PROSER1: variants seen among roughly 807,000 people sequenced by gnomAD.
The protein encoded by PROSER1 is proline and serine-rich protein 1.
A neutral mutation model predicts 71.8 loss-of-function variants in PROSER1; 36 were observed. That is an observed-to-expected ratio of 0.50 (90% CI 0.38 to 0.66). The LOEUF is 0.66. Among genes scored for constraint, PROSER1 ranks in the 30% least tolerant of loss-of-function variants. PROSER1 has a pLI of 0.00. For missense variants in PROSER1, 1,107 were observed against 1,135.0 expected (o/e 0.98, Z 0.35); for synonymous variants, 490 against 452.4 (o/e 1.08, Z -1.06).
At chr13:39,034,694 A>C (rs1322363238) in intron 1 of PROSER1, among the ~76,000 whole-genome samples, 1 of 152,258 alleles carries the variant, frequency 6.6e-6, no homozygotes, top group African/African-American at 2.4e-5. Context: ...AGAATGCAAG[A>C]AGTCCTGAAT....
At position 39,017,439 on chromosome 13, in the gene PROSER1, G is replaced by C. The variant is rs141910767; in HGVS notation, c.775+61C>G. ...TCCAAATATACTCAAATTATTCTCA[G>C]TGAATAACAGAGCAAACCATGACAG... On this transcript the variant is annotated intron_variant, in intron 10 of 12. Transcript: ENST00000352251. 831 of 997,836 alleles carry C rather than the reference G, an allele frequency of 8.3e-4. 4 individuals carry two copies. In the African/African-American group the frequency reaches 0.012, roughly 15 times the overall value. The allele number at this position is 997,836 out of a possible 1,614,324, so 61.8% of individuals were successfully genotyped here. A position where few individuals can be genotyped will look rare whatever the true frequency, so the allele number is the denominator to read the frequency against.
In PROSER1 at chr13:39,022,313, A is replaced by T. The variant is rs1213166381; in HGVS notation, c.730+13T>A. 1.9e-6 allele frequency: 3 copies of T among 1,572,244 alleles called. No homozygotes were observed. The highest frequency in any genetic ancestry group is 2.6e-6 in the Non-Finnish European group (3 of 1,142,154). ...TGAATAAGTTACTTAAACACCCCCA[A>T]ATAACATTTTACCTGTTCCTACAGG... is the stretch of plus-strand genomic sequence containing the variant. On this transcript the variant is annotated intron_variant, in intron 9 of 12. Coordinates refer to ENST00000352251, the MANE Select transcript of PROSER1 (RefSeq NM_025138.5).
intron 11 of PROSER1, 79 bp downstream of exon 11, chr13:39,012,612 T>A: frequency 8.5e-7 from 1 of 1,176,416 alleles, no homozygotes; most frequent in South Asian, 1.6e-5. Flanking sequence ...TTGACATTCA[T>A]TTTGATGACT....
At position 39,021,925 on chromosome 13, in the gene PROSER1, T is replaced by C. The variant is rs188451252; in HGVS notation, c.730+401A>G. ...CATTCTAATTTCAGAGAAATTAAACTATAAAAAATGTGCAATTGAGAACCA... is the reference window on the plus strand; with the variant it reads ...CATTCTAATTTCAGAGAAATTAAACCATAAAAAATGTGCAATTGAGAACCA... On this transcript the variant is annotated intron_variant, in intron 9 of 12. Transcript: ENST00000352251. 2.0e-3 allele frequency among the ~76,000 whole-genome samples: 312 copies of C among 152,320 alleles called. 3 individuals carry two copies. The highest frequency in any genetic ancestry group is 7.4e-3 in the African/African-American group (306 of 41,572).
chr13:39,029,400 T>G, intron 3 of PROSER1, 25 bp from the exon 4 acceptor site: 1 of 1,309,616 alleles, frequency 7.6e-7, no homozygotes, highest in Non-Finnish European at 1.0e-6. Flanking sequence ...AATAATTTTA[T>G]TTTTAACGTG....
intron 2 of PROSER1, among the ~76,000 whole-genome samples, chr13:39,032,944 A>C (rs1870924903): frequency 6.7e-6 from 1 of 149,148 alleles, no homozygotes; most frequent in Non-Finnish European, 1.5e-5. Flanking sequence ...TTTTTGAGAC[A>C]GAGTTTTGCT....
intron 9 of PROSER1, among the ~76,000 whole-genome samples, chr13:39,020,793 T>G (rs1223861126): frequency 6.6e-6 from 1 of 152,186 alleles, no homozygotes; most frequent in African/African-American, 2.4e-5. Flanking sequence ...TGACAACATA[T>G]GGGAAACCAT....
Position 39,012,910 on chromosome 13 carries a change from A to C in PROSER1, c.2342T>G (p.Leu781Arg). The change falls in exon 11 of 13, where the codon CTG becomes CGG. Residue 781 changes from leucine to arginine, a missense_variant. Coordinates refer to ENST00000352251, the MANE Select transcript of PROSER1 (RefSeq NM_025138.5). ...PSLFSVTQGP[L>R]SSSNPSYPGF... ...TGGATAGGAGGGATTTGAAGATGACAGAGGTCCTTGAGTAACAGAGAAAAG... is the reference window on the plus strand; with the variant it reads ...TGGATAGGAGGGATTTGAAGATGACCGAGGTCCTTGAGTAACAGAGAAAAG... 2 of 1,614,158 alleles carry C rather than the reference A, an allele frequency of 1.2e-6. No individual in the cohort carries two copies. The highest frequency in any genetic ancestry group is 1.7e-6 in the Non-Finnish European group (2 of 1,180,014).
At chr13:39,021,542 C>A (rs1342957067) in intron 9 of PROSER1, among the ~76,000 whole-genome samples, 2 of 151,940 alleles carry the variant, frequency 1.3e-5, no homozygotes, top group African/African-American at 4.8e-5. Context: ...ACCAGGCACC[C>A]CCTATCACAA....
At chr13:39,017,691 A>T (rs781495598) in intron 9 of PROSER1, 147 bp from the exon 10 acceptor site, 167 of 561,280 alleles carry the variant, frequency 3.0e-4, no homozygotes, top group Admixed American at 1.7e-3. Flanking sequence ...TGGGAAAATA[A>T]ATAAAAATAG....
At chr13:39,035,676 T>TG (rs1269351490) in intron 1 of PROSER1, among the ~76,000 whole-genome samples, 2 of 152,230 alleles carry the variant, frequency 1.3e-5, no homozygotes. Context: ...TATATGCCTC[T>TG]GTTTTAAATG....
At chr13:39,023,498 T>C (rs1870399677) in intron 7 of PROSER1, 1 of 168,166 alleles carries the variant, frequency 5.9e-6, no homozygotes, top group African/African-American at 2.4e-5. Context: ...TTTTACAATC[T>C]CAAATTACGC....
chr13:39,024,195 C>A (rs1001926553), intron 7 of PROSER1, among the ~76,000 whole-genome samples: 1 of 152,174 alleles, frequency 6.6e-6, no homozygotes, highest in African/African-American at 2.4e-5. Flanking sequence ...AACAAGCTCT[C>A]CACACTCCGT....
intron 2 of PROSER1, among the ~76,000 whole-genome samples, chr13:39,032,911 TA>T (rs1870922114): frequency 6.6e-6 from 1 of 150,936 alleles, no homozygotes; most frequent in Admixed American, 6.7e-5. Context: ...TATATCTTTT[TA>T]AAACATTTAA....
chr13:39,029,268 A>AAAT lies in PROSER1; in HGVS notation c.275+12_275+13insATT. 1 of 1,375,926 alleles carries AAAT rather than the reference A, an allele frequency of 7.3e-7. No individual in the cohort carries two copies. Among genetic ancestry groups the AAAT allele is most frequent in the Non-Finnish European group, 9.8e-7 (1 of 1,017,862 alleles). 85.2% of individuals were successfully genotyped at this position (1,375,926 alleles called of 1,614,324 possible). ...CAAGTAAAAAAAAAAAAAAAAAAAA[A>AAAT]AGAAATACTTACGAGGCTAACAGTT... On this transcript the variant is annotated intron_variant, in intron 4 of 12. Transcript: ENST00000352251.
intron 9 of PROSER1, among the ~76,000 whole-genome samples, chr13:39,019,591 T>C (rs1870192641): frequency 1.3e-5 from 2 of 151,048 alleles, no homozygotes; most frequent in Non-Finnish European, 2.9e-5. Flanking sequence ...TAAGTTTTTG[T>C]ATACTGACAA....
chr13:39,030,532 C>G (rs1186204773), intron 3 of PROSER1, among the ~76,000 whole-genome samples: 3 of 152,182 alleles, frequency 2.0e-5, no homozygotes, highest in Non-Finnish European at 2.9e-5. Flanking sequence ...AATATTCCCC[C>G]TGCCGCAGCC....
At chr13:39,025,459 C>T (rs573653141) in intron 6 of PROSER1, among the ~76,000 whole-genome samples, 40 of 152,314 alleles carry the variant, frequency 2.6e-4, no homozygotes, top group Admixed American at 1.4e-3. Flanking sequence ...AGGATGGCAT[C>T]TGACTTCCAG....
chr13:39,036,309 C>G (rs577383322), intron 1 of PROSER1, among the ~76,000 whole-genome samples: 1 of 152,058 alleles, frequency 6.6e-6, no homozygotes, highest in Non-Finnish European at 1.5e-5. Context: ...AAAAACAAAG[C>G]AAAACAGCAA....
Sources: allele counts gnomAD v4.1 joint callset (sites outside exome capture counted in the v4.1 genomes callset), GRCh38; gene constraint gnomAD v4.1.1; transcripts MANE v1.5; gene names NCBI Gene and HGNC (gene_info 2026-07-23, HGNC 2026-07-21).